SRPK1: variants seen among roughly 807,000 people sequenced by gnomAD.
SRPK1 encodes the protein SRSF protein kinase 1, also known as SFRS protein kinase 1.
Under a neutral mutation model 89.5 loss-of-function variants are expected in SRPK1, and 52 were observed. That is an observed-to-expected ratio of 0.58 (90% CI 0.46 to 0.73). The LOEUF is 0.73. Among genes scored for constraint, SRPK1 ranks in the 30% least tolerant of loss-of-function variants. The probability of loss-of-function intolerance (pLI) is 0.00; values close to 1 mark genes in which losing one functional copy is unlikely to be tolerated. For missense variants in SRPK1, 603 were observed against 780.6 expected (o/e 0.77, Z 2.71); for synonymous variants, 255 against 270.2 (o/e 0.94, Z 0.55).
intron 2 of SRPK1, among the ~76,000 whole-genome samples, chr6:35,910,775 C>T (rs1233368561): frequency 2.0e-5 from 3 of 152,158 alleles, no homozygotes. Context: ...AATCTTAGGG[C>T]TCTTAAGAAT....
intron 12 of SRPK1, among the ~76,000 whole-genome samples, chr6:35,867,838 CTT>C (rs1343389966): frequency 6.6e-6 from 1 of 152,072 alleles, no homozygotes; most frequent in Non-Finnish European, 1.5e-5. Context: ...CCTTAAAACA[CTT>C]TATTAGATAC....
intron 13 of SRPK1, among the ~76,000 whole-genome samples, chr6:35,847,741 T>C (rs570229888): frequency 3.9e-4 from 60 of 152,100 alleles, no homozygotes; most frequent in African/African-American, 1.4e-3. Context: ...ACCTGTACAC[T>C]GAAAACTATA....
chr6:35,834,313 T>C lies in SRPK1; in HGVS notation c.*991A>G, dbSNP rs977870396. On this transcript the variant is annotated 3_prime_UTR_variant, in exon 16 of 16. Coordinates refer to ENST00000373825, the MANE Select transcript of SRPK1 (RefSeq NM_003137.5). ...GAAAACTGCTTCAAGGCCAGAATTT[T>C]GGGTAAGGTAAAGAAAAAGCTGTAC... 3 of 152,304 alleles carry C rather than the reference T, an allele frequency of 2.0e-5. No individual in the cohort carries two copies. The highest frequency in any genetic ancestry group is 2.9e-5 in the Non-Finnish European group (2 of 68,002). The allele number at this position is 152,304 out of a possible 1,614,324, so 9.4% of individuals were successfully genotyped here.
chr6:35,894,053 G>A (rs1770580222), intron 2 of SRPK1, among the ~76,000 whole-genome samples: 1 of 151,976 alleles, frequency 6.6e-6, no homozygotes, highest in African/African-American at 2.4e-5. Context: ...AGCCTTGCTA[G>A]GGACGTAGGG....
intron 8 of SRPK1, among the ~76,000 whole-genome samples, chr6:35,871,517 C>A (rs1770035210): frequency 6.6e-6 from 1 of 152,212 alleles, no homozygotes; most frequent in Non-Finnish European, 1.5e-5. Context: ...ACTATTCACA[C>A]TGTTGTATAA....
chr6:35,841,181 T>G (rs1769298026), intron 14 of SRPK1, among the ~76,000 whole-genome samples: 1 of 152,004 alleles, frequency 6.6e-6, no homozygotes, highest in Admixed American at 6.6e-5. Context: ...GTAGGTAAAA[T>G]CAAGTAGTAA....
At position 35,874,466 on chromosome 6, in the gene SRPK1, G is replaced by A. The variant is rs1227274857; in HGVS notation, c.479-127C>T. 3 of 654,106 alleles carry A rather than the reference G, an allele frequency of 4.6e-6. No homozygotes were observed. The East Asian group carries it at 8.3e-5, about 18-fold the overall frequency. 40.5% of individuals were successfully genotyped at this position (654,106 alleles called of 1,614,324 possible). On this transcript the variant is annotated intron_variant, in intron 6 of 15. Coordinates refer to ENST00000373825, the MANE Select transcript of SRPK1 (RefSeq NM_003137.5). ...GTATAAAAAGTTACAGAGCTTGAATGAATAAATATGTAGCTGTTAATATTC... is the reference window on the plus strand; with the variant it reads ...GTATAAAAAGTTACAGAGCTTGAATAAATAAATATGTAGCTGTTAATATTC...
intron 10 of SRPK1, 37 bp downstream of exon 10, chr6:35,870,244 G>A (rs1465561071): frequency 1.9e-6 from 3 of 1,559,350 alleles, no homozygotes; most frequent in Non-Finnish European, 1.8e-6. Flanking sequence ...ACGTTAAAGT[G>A]TGTTGTACAG....
rs749037179 is a variant in SRPK1, at chr6:35,872,532, A to G, written c.751+31T>C. 1.9e-6 allele frequency: 3 copies of G among 1,544,344 alleles called. No homozygotes were observed. The East Asian group carries it at 7.1e-5, about 37-fold the overall frequency. Reference sequence around the variant, plus strand: ...AATAGAAATTTCTTTTTAACTTCTAATGATAGCGAAGTCCCTAAAAGAAAA... The same window carrying G: ...AATAGAAATTTCTTTTTAACTTCTAGTGATAGCGAAGTCCCTAAAAGAAAA... On this transcript the variant is annotated intron_variant, in intron 8 of 15. Transcript: ENST00000373825.
chr6:35,859,154 T>C lies in SRPK1; in HGVS notation c.1513-1786A>G, dbSNP rs529335826. On this transcript the variant is annotated intron_variant, in intron 12 of 15. Transcript: ENST00000373825. ...TCATGTAGCCAAAAATTAGATTACATTGGGGAAATGAGGAATTCGTGCTGT... is the reference window on the plus strand; with the variant it reads ...TCATGTAGCCAAAAATTAGATTACACTGGGGAAATGAGGAATTCGTGCTGT... 4.6e-5 allele frequency among the ~76,000 whole-genome samples: 7 copies of C among 152,228 alleles called. No individual in the cohort carries two copies. The East Asian group carries it at 7.7e-4, about 17-fold the overall frequency.
intron 6 of SRPK1, among the ~76,000 whole-genome samples, chr6:35,878,846 T>G (rs181185352): frequency 6.6e-6 from 1 of 152,150 alleles, no homozygotes; most frequent in South Asian, 2.1e-4. Flanking sequence ...ATCCCAGCAC[T>G]TTGGGAGGCC....
chr6:35,915,238 C>T (rs1446290289), intron 2 of SRPK1, among the ~76,000 whole-genome samples: 1 of 151,890 alleles, frequency 6.6e-6, no homozygotes, highest in African/African-American at 2.4e-5. Context: ...CTCGTCTCTA[C>T]TAAAAATGCA....
intron 6 of SRPK1, among the ~76,000 whole-genome samples, chr6:35,883,506 T>A (rs915728750): frequency 6.6e-6 from 1 of 152,228 alleles, no homozygotes; most frequent in Non-Finnish European, 1.5e-5. Context: ...GCTATTCTCT[T>A]ATGTTTCTAG....
At chr6:35,910,725 T>C (rs765446109) in intron 2 of SRPK1, among the ~76,000 whole-genome samples, 1 of 152,212 alleles carries the variant, frequency 6.6e-6, no homozygotes, top group Non-Finnish European at 1.5e-5. Flanking sequence ...ACGTACCTAG[T>C]GACTTTAAGT....
chr6:35,866,533 C>T (rs1056619587), intron 12 of SRPK1, among the ~76,000 whole-genome samples: 1 of 151,928 alleles, frequency 6.6e-6, no homozygotes, highest in Non-Finnish European at 1.5e-5. Flanking sequence ...CTGCAGTGAG[C>T]AGAGATCGCA....
chr6:35,872,299 T>A (rs1327687446), intron 8 of SRPK1, among the ~76,000 whole-genome samples: 1 of 152,196 alleles, frequency 6.6e-6, no homozygotes, highest in Admixed American at 6.5e-5. Context: ...AGGTAAACAC[T>A]TCAAAAATCA....
At chr6:35,913,969 CTTT>C (rs545555860) in intron 2 of SRPK1, among the ~76,000 whole-genome samples, 78 of 92,936 alleles carry the variant, frequency 8.4e-4, no homozygotes, top group African/African-American at 2.8e-3. Flanking sequence ...GATACTTTCT[CTTT>C]TTTTTTTTTT....
chr6:35,870,829 C>T (rs1770020812), intron 9 of SRPK1, 105 bp downstream of exon 9: 4 of 1,003,736 alleles, frequency 4.0e-6, no homozygotes, highest in East Asian at 2.6e-5. Flanking sequence ...AATTTTTTTT[C>T]CTTTTGGTTC....
intron 1 of SRPK1, 144 bp downstream of exon 1, chr6:35,920,900 G>C: frequency 1.2e-6 from 1 of 847,198 alleles, no homozygotes; most frequent in Non-Finnish European, 1.7e-6. Context: ...CAGAGGCAGG[G>C]GGTGTGGGGC....
Sources: allele counts gnomAD v4.1 joint callset (sites outside exome capture counted in the v4.1 genomes callset), GRCh38; gene constraint gnomAD v4.1.1; transcripts MANE v1.5; gene names NCBI Gene and HGNC (gene_info 2026-07-23, HGNC 2026-07-21).